The following ADAMTSL1 variants were observed in gnomAD, a reference collection of about 807,000 sequenced individuals.
ADAMTSL1 encodes ADAMTS-like protein 1.
In ADAMTSL1, 126 loss-of-function variants were observed where a neutral mutation model predicts 201.8. That is an observed-to-expected ratio of 0.62 (90% CI 0.54 to 0.72). ADAMTSL1 has a LOEUF of 0.72. ADAMTSL1 is among the 30% of genes least tolerant of loss of function. The pLI, the probability that ADAMTSL1 is intolerant of heterozygous loss-of-function variation, is 0.00. For synonymous variants in ADAMTSL1, 1,121 were observed against 903.4 expected (o/e 1.24, Z -4.32); for missense variants, 2,679 against 2,277.8 (o/e 1.18, Z -3.59).
intron 1 of ADAMTSL1, among the ~76,000 whole-genome samples, chr9:17,995,168 T>C: frequency 6.6e-6 from 1 of 152,114 alleles, no homozygotes; most frequent in African/African-American, 2.4e-5. Context: ...AGTACTTCCA[T>C]CTTCCTCTTC....
At chr9:18,532,378 ACAGT>A (rs1308317972) in intron 2 of ADAMTSL1, among the ~76,000 whole-genome samples, 1 of 152,176 alleles carries the variant, frequency 6.6e-6, no homozygotes, top group Non-Finnish European at 1.5e-5. Flanking sequence ...TTCAAAAAAC[ACAGT>A]CAGAAACTTT....
At chr9:18,637,480 T>A (rs1247985185) in intron 6 of ADAMTSL1, among the ~76,000 whole-genome samples, 1 of 152,186 alleles carries the variant, frequency 6.6e-6, no homozygotes, top group Non-Finnish European at 1.5e-5. Flanking sequence ...GAGGGAAATT[T>A]ATTTTTATAA....
At chr9:18,100,936 A>G (rs1228935259) in intron 1 of ADAMTSL1, among the ~76,000 whole-genome samples, 3 of 152,204 alleles carry the variant, frequency 2.0e-5, no homozygotes, top group African/African-American at 7.2e-5. Context: ...GCCGTGTCCC[A>G]TACAAACATT....
intron 15 of ADAMTSL1, among the ~76,000 whole-genome samples, chr9:18,736,931 A>G (rs1818529952): frequency 6.6e-6 from 1 of 152,206 alleles, no homozygotes; most frequent in South Asian, 2.1e-4. Flanking sequence ...CTCCTCTGTA[A>G]GCAGACTAGT....
At chr9:18,799,797 G>T (rs972745544) in intron 20 of ADAMTSL1, among the ~76,000 whole-genome samples, 1 of 152,094 alleles carries the variant, frequency 6.6e-6, no homozygotes, top group Admixed American at 6.5e-5. Context: ...GTCTAATAAA[G>T]AGATCACAGA....
intron 2 of ADAMTSL1, among the ~76,000 whole-genome samples, chr9:18,191,715 T>C (rs1828978412): frequency 1.3e-5 from 2 of 152,190 alleles, no homozygotes; most frequent in Admixed American, 1.3e-4. Flanking sequence ...GTATATCACT[T>C]AAGACTGCAA....
intron 2 of ADAMTSL1, among the ~76,000 whole-genome samples, chr9:18,287,492 A>C (rs59303876): frequency 0.061 from 9,173 of 151,526 alleles, 925 homozygotes; most frequent in African/African-American, 0.21. Flanking sequence ...TATGTAATGC[A>C]TGTATTTATA....
chr9:18,388,136 A>C (rs1300727295), intron 2 of ADAMTSL1, among the ~76,000 whole-genome samples: 3 of 151,926 alleles, frequency 2.0e-5, no homozygotes, highest in African/African-American at 7.3e-5. Flanking sequence ...GAACCTTTTT[A>C]TGTCCCTGAA....
At chr9:18,667,037 T>C (rs1167805621) in intron 9 of ADAMTSL1, among the ~76,000 whole-genome samples, 1 of 149,356 alleles carries the variant, frequency 6.7e-6, no homozygotes, top group East Asian at 2.0e-4. Flanking sequence ...GGTGGACAAG[T>C]GAAAAAAGAT....
At chr9:18,521,666 C>T (rs1304976195) in intron 2 of ADAMTSL1, among the ~76,000 whole-genome samples, 2 of 152,070 alleles carry the variant, frequency 1.3e-5, no homozygotes, top group Non-Finnish European at 2.9e-5. Context: ...TGAATTGCCT[C>T]CTCTTGTTGG....
At chr9:18,447,225 T>TTTACCA (rs1820225883) in intron 2 of ADAMTSL1, among the ~76,000 whole-genome samples, 1 of 152,198 alleles carries the variant, frequency 6.6e-6, no homozygotes, top group South Asian at 2.1e-4. Context: ...TAAATAAAGG[T>TTTACCA]TGCTCAAGGG....
intron 1 of ADAMTSL1, among the ~76,000 whole-genome samples, chr9:17,954,109 T>G (rs1253254822): frequency 2.0e-5 from 3 of 152,240 alleles, no homozygotes; most frequent in Non-Finnish European, 4.4e-5. Context: ...CTCTCTAATC[T>G]GTCTATCACC....
chr9:18,518,526 C>T (rs1818498280), intron 2 of ADAMTSL1, among the ~76,000 whole-genome samples: 1 of 152,198 alleles, frequency 6.6e-6, no homozygotes, highest in African/African-American at 2.4e-5. Flanking sequence ...ATATGTACCA[C>T]ATTCTCTTTA....
chr9:18,741,343 A>G (rs1818811603), intron 15 of ADAMTSL1, among the ~76,000 whole-genome samples: 1 of 152,204 alleles, frequency 6.6e-6, no homozygotes, highest in South Asian at 2.1e-4. Context: ...AATTAAAAAT[A>G]AAGTCTGTAA....
chr9:18,128,998 G>T (rs116360148), intron 1 of ADAMTSL1, among the ~76,000 whole-genome samples: 2,576 of 152,216 alleles, frequency 0.017, 77 homozygotes, highest in African/African-American at 0.059. Context: ...AAAACAGACT[G>T]TAATACATTA....
intron 1 of ADAMTSL1, among the ~76,000 whole-genome samples, chr9:18,148,850 A>G (rs1022316974): frequency 1.3e-5 from 2 of 152,096 alleles, no homozygotes; most frequent in Non-Finnish European, 2.9e-5. Flanking sequence ...CCTAGATTCT[A>G]GTTGATTAAA....
chr9:18,268,936 C>T (rs1366285567), intron 2 of ADAMTSL1, among the ~76,000 whole-genome samples: 1 of 152,002 alleles, frequency 6.6e-6, no homozygotes, highest in African/African-American at 2.4e-5. Flanking sequence ...GCTAAACTTT[C>T]AGTATCATTC....
At chr9:18,183,059 G>C (rs1289193590) in intron 2 of ADAMTSL1, among the ~76,000 whole-genome samples, 1 of 152,168 alleles carries the variant, frequency 6.6e-6, no homozygotes, top group African/African-American at 2.4e-5. Context: ...CAGGTAATCA[G>C]ACTTTCTCTT....
intron 2 of ADAMTSL1, among the ~76,000 whole-genome samples, chr9:18,268,013 A>C (rs1364147786): frequency 1.3e-5 from 2 of 152,186 alleles, no homozygotes; most frequent in Non-Finnish European, 2.9e-5. Flanking sequence ...GCTTAGAAGT[A>C]AAATGTATTT....
Sources: gnomAD v4.1 joint callset for allele counts (sites outside exome capture counted in the v4.1 genomes callset) on GRCh38, gnomAD v4.1.1 for gene constraint, MANE v1.5 for transcripts, NCBI Gene and HGNC (gene_info 2026-07-23, HGNC 2026-07-21) for gene names.